Variants in STXBP4 observed in about 807,000 individuals in gnomAD.
The protein encoded by STXBP4 is syntaxin binding protein 4, also known as syntaxin-binding protein 4.
In STXBP4, 55 loss-of-function variants were observed where a neutral mutation model predicts 76.1. The ratio of observed to expected loss-of-function variants is 0.72; its 90% confidence interval spans 0.58 to 0.91. STXBP4 has a LOEUF of 0.91. Ranked by LOEUF, STXBP4 falls within the 40% of genes least tolerant of loss-of-function variation. The probability of loss-of-function intolerance (pLI) is 0.00; values close to 1 mark genes in which losing one functional copy is unlikely to be tolerated. For missense variants in STXBP4, 618 were observed against 636.9 expected (o/e 0.97, Z 0.32); for synonymous variants, 201 against 220.2 (o/e 0.91, Z 0.77).
At chr17:55,071,891 A>G (rs1320084795) in intron 12 of STXBP4, among the ~76,000 whole-genome samples, 1 of 152,164 alleles carries the variant, frequency 6.6e-6, no homozygotes, top group African/African-American at 2.4e-5. Flanking sequence ...GAGAAAAGAG[A>G]TTTCTGCATC....
At chr17:55,208,197 C>G in the STXBP4 span, among the ~76,000 whole-genome samples, 1 of 151,750 alleles carries the variant, frequency 6.6e-6, no homozygotes. Flanking sequence ...GCTTAAAAAA[C>G]AAGGAAGTCT....
At chr17:55,021,577 C>T (rs1488911460) in intron 8 of STXBP4, among the ~76,000 whole-genome samples, 1 of 152,058 alleles carries the variant, frequency 6.6e-6, no homozygotes, top group African/African-American at 2.4e-5. Context: ...TCTTTATGCT[C>T]ACTTACCTCT....
At chr17:55,067,568 G>A (rs1409358469) in intron 12 of STXBP4, among the ~76,000 whole-genome samples, 1 of 152,122 alleles carries the variant, frequency 6.6e-6, no homozygotes, top group Non-Finnish European at 1.5e-5. Context: ...GGTTGATTTG[G>A]AATAGGTAGT....
intron 8 of STXBP4, among the ~76,000 whole-genome samples, chr17:55,017,827 G>T (rs138434203): frequency 1.6e-4 from 24 of 152,270 alleles, no homozygotes; most frequent in South Asian, 8.3e-4. Context: ...CCCTTTCCCA[G>T]ACAGCCTCAC....
At chr17:55,062,475 T>C (rs545317661) in intron 12 of STXBP4, among the ~76,000 whole-genome samples, 2 of 152,352 alleles carry the variant, frequency 1.3e-5, no homozygotes, top group South Asian at 4.1e-4. Flanking sequence ...CGCATTTTCT[T>C]TATCCAGTCT....
the STXBP4 span, among the ~76,000 whole-genome samples, chr17:55,208,553 GC>G: frequency 1.9e-5 from 2 of 106,910 alleles, no homozygotes; most frequent in Non-Finnish European, 4.1e-5. Context: ...AAGGAAGGAA[GC>G]AAGGAAGGAA....
intron 11 of STXBP4, among the ~76,000 whole-genome samples, chr17:55,046,366 A>G (rs2144757183): frequency 6.6e-6 from 1 of 152,054 alleles, no homozygotes; most frequent in South Asian, 2.1e-4. Context: ...TTTTTTAAAC[A>G]TTGTAATATT....
At position 55,105,475 on chromosome 17, in the gene STXBP4, T is replaced by TTC. The variant is rs1245041223; in HGVS notation, c.1489+24293_1489+24294insCT. On this transcript the variant is annotated intron_variant, in intron 16 of 17. Coordinates refer to ENST00000376352, the MANE Select transcript of STXBP4 (RefSeq NM_178509.6). Reference sequence around the variant, plus strand: ...TCCTGAGTTCTTTCTTTTCTTTTTTTTTTTTTTTTTGAGATGGAGTCTCAC... The same window carrying TTC: ...TCCTGAGTTCTTTCTTTTCTTTTTTTTCTTTTTTTTTTGAGATGGAGTCTCAC... Among the ~76,000 whole-genome samples the TTC allele has an allele frequency of 6.7e-5, 10 of 149,714 alleles. No individual in the cohort carries two copies. The East Asian group carries it at 1.2e-3, about 17-fold the overall frequency.
At chr17:55,029,935 G>A (rs576661313) in intron 8 of STXBP4, among the ~76,000 whole-genome samples, 35 of 152,162 alleles carry the variant, frequency 2.3e-4, no homozygotes, top group African/African-American at 7.2e-4. Context: ...ATGATTGAAC[G>A]AGATTCTAAA....
intron 17 of STXBP4, among the ~76,000 whole-genome samples, chr17:55,151,489 C>G (rs2080217049): frequency 6.6e-6 from 1 of 152,154 alleles, no homozygotes; most frequent in Non-Finnish European, 1.5e-5. Flanking sequence ...ATTAACAGGG[C>G]CAGAGGTCTT....
At position 55,072,983 on chromosome 17, in the gene STXBP4, A is replaced by G. The variant is rs756962668; in HGVS notation, c.1095A>G (p.Gly365=). ...LAEAAQRQAH[G]MEMDYEEVIR... ...AAGCTGCTCAGAGACAGGCACATGGAATGGAAATGGACTATGAAGAAGTGA... is the reference window on the plus strand; with the variant it reads ...AAGCTGCTCAGAGACAGGCACATGGGATGGAAATGGACTATGAAGAAGTGA... The change falls in exon 13 of 18, where the codon GGA becomes GGG. Residue 365 remains glycine, a synonymous_variant. Coordinates refer to ENST00000376352, the MANE Select transcript of STXBP4 (RefSeq NM_178509.6). 32 of 1,613,908 alleles carry G rather than the reference A, an allele frequency of 2.0e-5. No individual in the cohort carries two copies. The highest frequency in any genetic ancestry group is 2.5e-5 in the Non-Finnish European group (29 of 1,179,948).
chr17:54,990,195 G>A (rs2077692452), intron 3 of STXBP4, among the ~76,000 whole-genome samples: 1 of 152,178 alleles, frequency 6.6e-6, no homozygotes, highest in South Asian at 2.1e-4. Flanking sequence ...AAATGTCACT[G>A]CTAGTAAGTA....
the STXBP4 span, among the ~76,000 whole-genome samples, chr17:55,199,653 A>G: frequency 3.3e-5 from 5 of 152,228 alleles, no homozygotes; most frequent in Non-Finnish European, 7.3e-5. Context: ...TTTTATACTT[A>G]TATGTTCAAG....
the STXBP4 span, among the ~76,000 whole-genome samples, chr17:55,190,570 C>A: frequency 6.6e-6 from 1 of 152,106 alleles, no homozygotes; most frequent in Non-Finnish European, 1.5e-5. Flanking sequence ...TCAAACCCCA[C>A]AGAAGAACAA....
At chr17:55,128,994 A>G (rs868046053) in intron 16 of STXBP4, among the ~76,000 whole-genome samples, 4 of 146,780 alleles carry the variant, frequency 2.7e-5, no homozygotes, top group Admixed American at 6.9e-5. Context: ...CAGGGGCACA[A>G]TCTTGGCTCA....
chr17:55,200,363 G>A, the STXBP4 span, among the ~76,000 whole-genome samples: 2 of 152,124 alleles, frequency 1.3e-5, no homozygotes, highest in Admixed American at 1.3e-4. Flanking sequence ...ATCTTAGGAG[G>A]TCCTCCCTAG....
intron 1 of STXBP4, among the ~76,000 whole-genome samples, chr17:54,970,342 G>A (rs1177111863): frequency 6.6e-6 from 1 of 152,196 alleles, no homozygotes; most frequent in African/African-American, 2.4e-5. Context: ...ATTAAAGGTA[G>A]GGGGAGGAAT....
the STXBP4 span, among the ~76,000 whole-genome samples, chr17:55,192,313 A>G: frequency 2.2e-4 from 34 of 152,228 alleles, no homozygotes; most frequent in Non-Finnish European, 3.8e-4. Context: ...CTGGAACCAC[A>G]GCAGACCTCT....
chr17:55,088,156 A>G (rs1389672231), intron 16 of STXBP4, among the ~76,000 whole-genome samples: 1 of 152,194 alleles, frequency 6.6e-6, no homozygotes, highest in African/African-American at 2.4e-5. Context: ...TTTCTCTTTA[A>G]GCAGCAGCTT....
Sources: gnomAD v4.1 joint callset for allele counts (sites outside exome capture counted in the v4.1 genomes callset) on GRCh38, gnomAD v4.1.1 for gene constraint, MANE v1.5 for transcripts, NCBI Gene and HGNC (gene_info 2026-07-23, HGNC 2026-07-21) for gene names.